The following LTBP1 variants were observed in gnomAD, a reference collection of about 807,000 sequenced individuals.
The protein encoded by LTBP1 is latent transforming growth factor beta binding protein 1.
LTBP1 carries 129 observed loss-of-function variants against 207.6 expected under a neutral mutation model. The observed-to-expected ratio is 0.62, with a 90% confidence interval of 0.54 to 0.72. The LOEUF is 0.72. LTBP1 is among the 30% of genes least tolerant of loss of function. The pLI is 0.00. For missense variants in LTBP1, 2,281 were observed against 2,217.2 expected, an observed-to-expected ratio of 1.03 and a Z score of -0.58; for synonymous variants, 963 against 833.7, an observed-to-expected ratio of 1.16 and a Z score of -2.67.
chr2:33,188,961 A>G, intron 7 of LTBP1, 110 bp downstream of exon 7: 4 of 1,277,880 alleles, frequency 3.1e-6, no homozygotes, highest in Admixed American at 2.4e-5. Flanking sequence ...GGCTTTGACA[A>G]ACTATGACTT....
chr2:33,305,995 C>T (rs1322014293), intron 22 of LTBP1, among the ~76,000 whole-genome samples: 1 of 152,144 alleles, frequency 6.6e-6, no homozygotes, highest in African/African-American at 2.4e-5. Context: ...CCCTTAAAAC[C>T]TTTTACTCTA....
chr2:32,955,398 A>G (rs41523452), intron 2 of LTBP1, among the ~76,000 whole-genome samples: 1 of 152,168 alleles, frequency 6.6e-6, no homozygotes, highest in Admixed American at 6.5e-5. Context: ...AATTTGCAAA[A>G]TTGTTGCTGC....
chr2:33,043,315 A>ATT (rs566623303), intron 3 of LTBP1, among the ~76,000 whole-genome samples: 1 of 148,230 alleles, frequency 6.7e-6, no homozygotes, highest in Non-Finnish European at 1.5e-5. Flanking sequence ...TTGGTCAAGA[A>ATT]TTTTTTTTTT....
intron 10 of LTBP1, among the ~76,000 whole-genome samples, chr2:33,246,464 C>A (rs2092513285): frequency 6.7e-6 from 1 of 148,472 alleles, no homozygotes; most frequent in Non-Finnish European, 1.5e-5. Flanking sequence ...GACTGGAGAT[C>A]ACACACACGC....
At chr2:33,095,779 T>A (rs2079349951) in intron 3 of LTBP1, among the ~76,000 whole-genome samples, 1 of 152,072 alleles carries the variant, frequency 6.6e-6, no homozygotes, top group South Asian at 2.1e-4. Flanking sequence ...GGTGGAAGTT[T>A]GAAAGGGTAA....
chr2:33,193,962 A>T (rs1210431175), intron 7 of LTBP1, among the ~76,000 whole-genome samples: 2 of 152,078 alleles, frequency 1.3e-5, no homozygotes, highest in Non-Finnish European at 2.9e-5. Flanking sequence ...AAGGAGTCAC[A>T]CATCTCTCAC....
rs1216229491 is a variant in LTBP1, at chr2:33,398,495, A to C, written c.5116A>C (p.Thr1706Pro). Residue 1706 changes from threonine to proline, a missense_variant, in exon 34 of 34, where the codon ACT (threonine) becomes CCT (proline). Physicochemically the swap from Thr to Pro is conservative, Grantham distance 38 (BLOSUM62 -1). Transcript: ENST00000404816. ...YVPSDKPNYC[T>P]PLNTALNLEK... is the part of the protein sequence containing the mutation. The stretch of plus-strand genomic sequence containing the variant: ...GCCTTCTGACAAGCCAAACTACTGC[A>C]CTCCGTTGAATACCGCCTTGAATTT... 1 of 1,614,202 alleles carries C rather than the reference A, an allele frequency of 6.2e-7. No homozygotes were observed. The highest frequency in any genetic ancestry group is 1.3e-5 in the African/African-American group (1 of 75,058).
chr2:33,151,959 A>G (rs114966697), intron 5 of LTBP1, among the ~76,000 whole-genome samples: 2,204 of 152,124 alleles, frequency 0.014, 48 homozygotes, highest in African/African-American at 0.05. Context: ...TTGTGCTGCT[A>G]TAAACATGCG....
In LTBP1 at chr2:33,399,348, A is replaced by AT. The variant is rs2095385852; in HGVS notation, c.*808dup. On this transcript the variant is annotated 3_prime_UTR_variant, in exon 34 of 34. Coordinates refer to ENST00000404816, the MANE Select transcript of LTBP1 (RefSeq NM_206943.4). Reference sequence around the variant, plus strand: ...ACCATTGTATGTTAAATAAATCACCATTTTTGTAGAAAAAATTCTACCTGA... The same window carrying AT: ...ACCATTGTATGTTAAATAAATCACCATTTTTTGTAGAAAAAATTCTACCTGA... The AT allele has an allele frequency of 1.3e-5, 2 of 152,196 alleles. No individual in the cohort carries two copies. The highest frequency in any genetic ancestry group is 1.3e-4 in the Admixed American group (2 of 15,286). 9.4% of individuals were successfully genotyped at this position (152,196 alleles called of 1,614,324 possible).
At chr2:33,303,696 C>G (rs2094034288) in intron 22 of LTBP1, among the ~76,000 whole-genome samples, 1 of 152,164 alleles carries the variant, frequency 6.6e-6, no homozygotes, top group Non-Finnish European at 1.5e-5. Flanking sequence ...AGATCCCTCA[C>G]ATGCGCTGTT....
intron 3 of LTBP1, among the ~76,000 whole-genome samples, chr2:33,066,614 C>T (rs184201175): frequency 4.8e-4 from 73 of 152,224 alleles, no homozygotes; most frequent in African/African-American, 1.8e-3. Flanking sequence ...TGTAACTGTG[C>T]TAAAAGAATA....
chr2:33,310,016 C>T (rs1160332230), intron 23 of LTBP1, among the ~76,000 whole-genome samples: 10 of 148,856 alleles, frequency 6.7e-5, no homozygotes, highest in Non-Finnish European at 1.0e-4. Context: ...GGTATGATCT[C>T]GGCTCACTGC....
At chr2:33,299,154 A>T (rs2093936813) in intron 20 of LTBP1, among the ~76,000 whole-genome samples, 1 of 151,738 alleles carries the variant, frequency 6.6e-6, no homozygotes, top group African/African-American at 2.4e-5. Context: ...AGGCAGGAGA[A>T]TCGCTTGAAC....
At chr2:33,025,889 A>G (rs913362452) in intron 3 of LTBP1, among the ~76,000 whole-genome samples, 1 of 152,198 alleles carries the variant, frequency 6.6e-6, no homozygotes, top group African/African-American at 2.4e-5. Flanking sequence ...TAATAAAAAG[A>G]TGAAGTTTCT....
rs13425239 is a variant in LTBP1 at position 32,947,167 on chromosome 2, G to A, written c.-158G>A. ...GGGGTCTGGGGCCGCTCAGCTGCCC[G>A]CAGAGCCTCCTCCCTCGCCACCGAC... On this transcript the variant is annotated 5_prime_UTR_variant, in exon 1 of 34. Coordinates refer to ENST00000404816, the MANE Select transcript of LTBP1 (RefSeq NM_206943.4). 3,651 of 448,688 alleles carry A rather than the reference G, an allele frequency of 8.1e-3. 122 individuals carry two copies. The highest frequency in any genetic ancestry group is 0.069 in the African/African-American group (3,337 of 48,662). 27.8% of individuals were successfully genotyped at this position (448,688 alleles called of 1,614,324 possible). A position where few individuals can be genotyped will look rare whatever the true frequency, so the allele number is the denominator to read the frequency against.
intron 3 of LTBP1, among the ~76,000 whole-genome samples, chr2:33,044,801 C>T (rs1459352855): frequency 6.6e-6 from 1 of 152,120 alleles, no homozygotes; most frequent in African/African-American, 2.4e-5. Context: ...TAATGATTGC[C>T]ATTCTAACTG....
At chr2:33,127,389 G>A (rs2081495974) in intron 4 of LTBP1, among the ~76,000 whole-genome samples, 1 of 152,136 alleles carries the variant, frequency 6.6e-6, no homozygotes, top group Non-Finnish European at 1.5e-5. Flanking sequence ...GTGACTTCCA[G>A]CTATCAGTTG....
chr2:33,302,045 GT>G (rs2093997058), intron 22 of LTBP1, among the ~76,000 whole-genome samples: 2 of 152,180 alleles, frequency 1.3e-5, no homozygotes, highest in African/African-American at 4.8e-5. Context: ...CATCAATTCA[GT>G]TTTTGGCTTT....
At chr2:33,229,550 CTGAT>C (rs1480139593) in intron 9 of LTBP1, among the ~76,000 whole-genome samples, 1 of 152,128 alleles carries the variant, frequency 6.6e-6, no homozygotes, top group Non-Finnish European at 1.5e-5. Flanking sequence ...CTTTTACTGG[CTGAT>C]TAATGTTTTG....
Sources: allele counts gnomAD v4.1 joint callset (sites outside exome capture counted in the v4.1 genomes callset), GRCh38; gene constraint gnomAD v4.1.1; transcripts MANE v1.5; gene names NCBI Gene and HGNC (gene_info 2026-07-23, HGNC 2026-07-21).